RNF157: variants seen among roughly 807,000 people sequenced by gnomAD.
RNF157 encodes E3 ubiquitin ligase RNF157.
Under a neutral mutation model 88.3 loss-of-function variants are expected in RNF157, and 55 were observed. The ratio of observed to expected loss-of-function variants is 0.62; its 90% CI spans 0.50 to 0.78. The LOEUF is 0.78. RNF157 is among the 30% of genes least tolerant of loss of function. The probability of loss-of-function intolerance (pLI) is 0.00; values close to 1 mark genes in which losing one functional copy is unlikely to be tolerated. For missense variants in RNF157, 788 were observed against 860.8 expected, an observed-to-expected ratio of 0.92 and a Z score of 1.06; for synonymous variants, 334 against 341.2, an observed-to-expected ratio of 0.98 and a Z score of 0.23.
At chr17:76,225,755 G>GTA (rs1207240754) in intron 1 of RNF157, 16 of 1,528,332 alleles carry the variant, frequency 1.0e-5, no homozygotes, top group African/African-American at 4.2e-5. Flanking sequence ...CCTCAACTAG[G>GTA]GGACCCTTTT....
At chr17:76,165,302 T>C (rs1204496391) in intron 7 of RNF157, among the ~76,000 whole-genome samples, 200 bp downstream of exon 7, 1 of 152,224 alleles carries the variant, frequency 6.6e-6, no homozygotes, top group Non-Finnish European at 1.5e-5. Flanking sequence ...TATTTATTTT[T>C]TTTGAGACAG....
chr17:76,162,528 T>G, intron 9 of RNF157, 24 bp downstream of exon 9: 1 of 1,582,206 alleles, frequency 6.3e-7, no homozygotes, highest in Middle Eastern at 1.7e-4. Context: ...AAAGAGTACA[T>G]TCAGAATTTT....
At position 76,159,495 on chromosome 17, in the gene RNF157, C is replaced by T. The variant is rs1158879944; in HGVS notation, c.1144G>A (p.Ala382Thr). 6 of 1,609,264 alleles carry T rather than the reference C, an allele frequency of 3.7e-6. No homozygotes were observed. The South Asian group carries it at 6.7e-5, about 18-fold the overall frequency. Residue 382 changes from alanine to threonine, a missense_variant, in exon 12 of 19, where the codon GCA becomes ACA. Ala to Thr is a moderately conservative substitution (Grantham distance 58). Transcript: ENST00000269391. ...CCAAGCACGTGAAGTGGAGGAACTG[C>T]TGGGGACGGGGTGAGGGGCCCGTTG... Reference protein sequence around the residue: ...ALNGPLTPSPAVPPLHVLGDG... With the variant: ...ALNGPLTPSPTVPPLHVLGDG...
chr17:76,226,287 G>A (rs2070083465), intron 1 of RNF157: 1 of 1,609,036 alleles, frequency 6.2e-7, no homozygotes, highest in African/African-American at 1.3e-5. Context: ...GAATGATCTG[G>A]AGTGGAGGAC....
chr17:76,154,201 C>T (rs1479026178), intron 17 of RNF157, 82 bp downstream of exon 17: 14 of 1,006,144 alleles, frequency 1.4e-5, no homozygotes, highest in Admixed American at 8.5e-5. Flanking sequence ...CACGTCATAC[C>T]GGTACCCTTT....
chr17:76,240,044 C>T lies in RNF157; in HGVS notation c.88+109G>A, dbSNP rs535204992. 2 of 475,172 alleles carry T rather than the reference C, an allele frequency of 4.2e-6. No homozygotes were observed. Among genetic ancestry groups the T allele is most frequent in the South Asian group, 1.9e-4 (2 of 10,602 alleles). 29.4% of individuals were successfully genotyped at this position (475,172 alleles called of 1,614,324 possible). ...CTCGAAGACCGTTTCGGAGCGTCCGCAACCACTGAGTCCCCGAAGACCCGC... is the reference window on the plus strand; with the variant it reads ...CTCGAAGACCGTTTCGGAGCGTCCGTAACCACTGAGTCCCCGAAGACCCGC... On this transcript the variant is annotated intron_variant, in intron 1 of 18. Coordinates refer to ENST00000269391, the MANE Select transcript of RNF157 (RefSeq NM_052916.3). The surrounding 1 kb of genome is among the most constrained non-coding windows in gnomAD (Gnocchi z 4.4).
At chr17:76,232,926 A>T (rs956794604) in intron 1 of RNF157, among the ~76,000 whole-genome samples, 7 of 147,654 alleles carry the variant, frequency 4.7e-5, no homozygotes, top group Admixed American at 1.4e-4. Context: ...AATCTCGCAT[A>T]TTTTTTTTTT....
In RNF157 at chr17:76,147,400, A is replaced by ACCG. The variant is rs1429886573; in HGVS notation, c.1922-2050_1922-2048dup. The ACCG allele has an allele frequency of 8.7e-4, 790 of 903,614 alleles. 1 individual carries two copies. Among genetic ancestry groups the ACCG allele is most frequent in the African/African-American group, 3.9e-3 (218 of 55,558 alleles). 56.0% of individuals were successfully genotyped at this position (903,614 alleles called of 1,614,324 possible). A position where few individuals can be genotyped will look rare whatever the true frequency, so the allele number is the denominator to read the frequency against. On this transcript the variant is annotated intron_variant, in intron 18 of 18. Coordinates refer to ENST00000269391, the MANE Select transcript of RNF157 (RefSeq NM_052916.3). ...TAAAAACAGCAGCACCACCACCACC[A>ACCG]CCGCCGCCGCCACCACCAGCAAGCC...
In RNF157 at chr17:76,145,218, AG is replaced by A; in HGVS notation, c.*16del. ...GAATGCAGGGCAGGAGGGGAGCCCA[AG>A]TGCAGAGGCTGGGGCTCAGACAGCC... On this transcript the variant is annotated 3_prime_UTR_variant, in exon 19 of 19. Coordinates refer to ENST00000269391, the MANE Select transcript of RNF157 (RefSeq NM_052916.3). 6.5e-7 allele frequency: 1 copy of A among 1,537,698 alleles called. No individual in the cohort carries two copies. Among genetic ancestry groups the A allele is most frequent in the Non-Finnish European group, 9.0e-7 (1 of 1,116,332 alleles).
Position 76,161,874 on chromosome 17 carries a change from G to A in RNF157, c.921C>T (p.Tyr307=), listed in dbSNP as rs918427891. The change falls in exon 10 of 19, where the codon TAC becomes TAT. Residue 307 remains tyrosine (Y), a synonymous_variant. Coordinates refer to ENST00000269391, the MANE Select transcript of RNF157 (RefSeq NM_052916.3). This position sits in a 1 kb window ranked among gnomAD's most constrained non-coding sequence, Gnocchi z 4.6. ...GGCAGATGGGGCAGTTGTTGGCCTG[G>A]TAGCGCAGCGTGTCTGCACAGGTGT... ...LCNTCADTLR[Y]QANNCPICRL... is the part of the protein sequence containing the mutation. The A allele has an allele frequency of 1.7e-5, 27 of 1,614,246 alleles. No homozygotes were observed. Among genetic ancestry groups the A allele is most frequent in the Non-Finnish European group, 2.2e-5 (26 of 1,180,042 alleles).
chr17:76,191,617 A>T (rs1383905835), intron 2 of RNF157, among the ~76,000 whole-genome samples: 3 of 151,510 alleles, frequency 2.0e-5, no homozygotes, highest in Non-Finnish European at 4.4e-5. Context: ...AAAAAAAAAA[A>T]AAAAACATTA....
In RNF157 at chr17:76,176,105, T is replaced by C. The variant is rs1568040165; in HGVS notation, c.208-2315A>G. Among the ~76,000 whole-genome samples, 1 of 152,198 alleles carries C rather than the reference T, an allele frequency of 6.6e-6. No individual in the cohort carries two copies. Among genetic ancestry groups the C allele is most frequent in the Non-Finnish European group, 1.5e-5 (1 of 68,046 alleles). The stretch of plus-strand genomic sequence containing the variant: ...CCTTGCTGGCCTTGCATTCATGCAA[T>C]CAGAGTCTACATGCAACACTCCATG... On this transcript the variant is annotated intron_variant, in intron 2 of 18. Coordinates refer to ENST00000269391, the MANE Select transcript of RNF157 (RefSeq NM_052916.3). This position sits in a 1 kb window ranked among gnomAD's most constrained non-coding sequence, Gnocchi z 4.2.
chr17:76,158,534 C>CA, intron 12 of RNF157, 33 bp from the exon 13 acceptor site: 1 of 1,447,630 alleles, frequency 6.9e-7, no homozygotes, highest in African/African-American at 1.4e-5. Context: ...CAGCTATATC[C>CA]AACGTCCATT....
intron 3 of RNF157, among the ~76,000 whole-genome samples, chr17:76,169,291 T>C (rs2068976111): frequency 6.6e-6 from 1 of 152,186 alleles, no homozygotes. Context: ...TGTTTTTAAT[T>C]TCTAAAAGCT....
In RNF157 at chr17:76,152,400, C is replaced by T. The variant is rs149285969; in HGVS notation, c.1876G>A (p.Val626Met). The change falls in exon 18 of 19, where the codon GTG (valine) becomes ATG (methionine). Residue 626 changes from valine to methionine, a missense_variant. Transcript: ENST00000269391. The stretch of plus-strand genomic sequence containing the variant: ...CACAGCTTATTGTCCAGTGCTTTCA[C>T]GCTTGCGATGTCAAAGTCATTGTTA... ...DNNNDFDIAS[V>M]KALDNKLCSE... The T allele has an allele frequency of 4.1e-5, 66 of 1,613,790 alleles. 3 individuals are homozygous for T. In the Admixed American group the frequency reaches 8.8e-4, roughly 22 times the overall value.
At chr17:76,158,527 C>T (rs1467245841) in intron 12 of RNF157, 26 bp from the exon 13 acceptor site, 1 of 1,481,496 alleles carries the variant, frequency 6.7e-7, no homozygotes, top group Non-Finnish European at 9.4e-7. Flanking sequence ...GGAAAAGCAG[C>T]TATATCCAAC....
chr17:76,169,055 G>A (rs1192602886), intron 3 of RNF157, among the ~76,000 whole-genome samples: 2 of 152,062 alleles, frequency 1.3e-5, no homozygotes, highest in African/African-American at 4.8e-5. Flanking sequence ...TGTACCCTCT[G>A]GTTCTGAGAA....
intron 18 of RNF157, chr17:76,147,162 A>G (rs1777686364): frequency 2.0e-6 from 2 of 984,966 alleles, no homozygotes; most frequent in Admixed American, 1.2e-4. Flanking sequence ...CTATGTGTCT[A>G]AGTGTGGCAG....
At chr17:76,175,379 G>A (rs539368241) in intron 2 of RNF157, among the ~76,000 whole-genome samples, 1 of 152,152 alleles carries the variant, frequency 6.6e-6, no homozygotes, top group Non-Finnish European at 1.5e-5. Context: ...CAGGATCAAA[G>A]AGTAAGCATA....
Sources: allele counts gnomAD v4.1 joint callset (sites outside exome capture counted in the v4.1 genomes callset), GRCh38; gene constraint gnomAD v4.1.1; non-coding constraint Gnocchi (gnomAD v3.1); transcripts MANE v1.5; gene names NCBI Gene and HGNC (gene_info 2026-07-23, HGNC 2026-07-21).